Variants in PCDH15 observed in about 807,000 individuals in gnomAD.
PCDH15 encodes protocadherin related 15, also known as protocadherin-15.
PCDH15 carries 129 observed loss-of-function variants against 178.5 expected under a neutral mutation model. That is an observed-to-expected ratio of 0.72 (90% confidence interval 0.63 to 0.84). PCDH15 has a LOEUF of 0.84. Ranked by LOEUF, PCDH15 falls within the 40% of genes least tolerant of loss-of-function variation. The probability of loss-of-function intolerance (pLI) is 0.00; values close to 1 mark genes in which losing one functional copy is unlikely to be tolerated. For synonymous variants in PCDH15, 800 were observed against 732.0 expected, an observed-to-expected ratio of 1.09 and a Z score of -1.50; for missense variants, 2,230 against 2,099.9, an observed-to-expected ratio of 1.06 and a Z score of -1.21.
intron 2 of PCDH15, among the ~76,000 whole-genome samples, chr10:54,529,515 A>T (rs995670600): frequency 1.3e-5 from 2 of 152,148 alleles, no homozygotes; most frequent in South Asian, 4.1e-4. Flanking sequence ...TGAAAAAAAA[A>T]TCAGAAGAAC....
intron 2 of PCDH15, among the ~76,000 whole-genome samples, chr10:55,055,810 A>G (rs1440504532): frequency 2.6e-5 from 4 of 152,138 alleles, no homozygotes; most frequent in Non-Finnish European, 5.9e-5. Context: ...CCCTGTCTCA[A>G]AAATCAATAA....
chr10:55,587,087 A>T (rs1240349594), intron 2 of PCDH15, among the ~76,000 whole-genome samples: 1 of 152,110 alleles, frequency 6.6e-6, no homozygotes, highest in Non-Finnish European at 1.5e-5. Flanking sequence ...CTCAAAGATA[A>T]AGACTTAATC....
intron 2 of PCDH15, among the ~76,000 whole-genome samples, chr10:55,550,291 C>T (rs1841978371): frequency 1.3e-5 from 2 of 152,140 alleles, no homozygotes; most frequent in Admixed American, 1.3e-4. Flanking sequence ...ACTCTGTTAT[C>T]TCTCATTTAA....
intron 2 of PCDH15, among the ~76,000 whole-genome samples, chr10:54,932,971 A>G (rs573523295): frequency 6.6e-6 from 1 of 152,124 alleles, no homozygotes; most frequent in Non-Finnish European, 1.5e-5. Flanking sequence ...TGCTCTATAA[A>G]GGTGTACCAT....
At chr10:54,148,604 G>T (rs1415551992) in intron 14 of PCDH15, among the ~76,000 whole-genome samples, 1 of 151,892 alleles carries the variant, frequency 6.6e-6, no homozygotes, top group African/African-American at 2.4e-5. Flanking sequence ...GTGTATATTT[G>T]CTTTTTGGAT....
intron 8 of PCDH15, among the ~76,000 whole-genome samples, chr10:54,253,619 A>G (rs889773084): frequency 2.0e-5 from 3 of 152,130 alleles, no homozygotes; most frequent in African/African-American, 7.2e-5. Context: ...ATTATGTTAT[A>G]CAGCAGCATT....
intron 1 of PCDH15, among the ~76,000 whole-genome samples, chr10:54,747,059 G>T (rs1257746703): frequency 6.6e-6 from 1 of 152,200 alleles, no homozygotes; most frequent in African/African-American, 2.4e-5. Flanking sequence ...AACACCAGTT[G>T]TGGAATGTCC....
rs1362278878 is a variant in PCDH15, at chr10:54,133,013, G to T, written c.1785-6C>A. On this transcript the variant is annotated splice_polypyrimidine_tract_variant and splice_region_variant and intron_variant, in intron 14 of 37. Coordinates refer to ENST00000644397, the MANE Select transcript of PCDH15 (RefSeq NM_001384140.1). ...ACACAGTGCAGATGGAGTTCCTGCA[G>T]AGAAAGAGAGGAAAAGAAGATGGTT... is the stretch of plus-strand genomic sequence containing the variant. 1.2e-6 allele frequency: 2 copies of T among 1,613,972 alleles called. No homozygotes were observed. Among genetic ancestry groups the T allele is most frequent in the African/African-American group, 2.7e-5 (2 of 75,040 alleles).
intron 3 of PCDH15, among the ~76,000 whole-genome samples, chr10:54,840,831 A>G (rs1419824766): frequency 6.6e-6 from 1 of 151,842 alleles, no homozygotes; most frequent in Admixed American, 6.6e-5. Flanking sequence ...CATGTGACAA[A>G]GAAAATCAAT....
intron 3 of PCDH15, among the ~76,000 whole-genome samples, chr10:54,382,688 T>C (rs191928272): frequency 2.8e-4 from 42 of 152,244 alleles, no homozygotes; most frequent in Non-Finnish European, 4.6e-4. Context: ...AACAACCTGA[T>C]TGAACTTGGA....
intron 2 of PCDH15, among the ~76,000 whole-genome samples, chr10:55,363,131 C>T (rs1338446104): frequency 3.3e-5 from 5 of 152,116 alleles, no homozygotes; most frequent in Non-Finnish European, 7.4e-5. Context: ...AGATAGACTT[C>T]GTTTTCACTC....
At chr10:55,244,387 T>C (rs998034564) in intron 1 of PCDH15, among the ~76,000 whole-genome samples, 1 of 152,038 alleles carries the variant, frequency 6.6e-6, no homozygotes, top group Admixed American at 6.6e-5. Context: ...AAGAAAACAG[T>C]TTCCCCTCTA....
At chr10:55,101,408 T>TC (rs1842573805) in intron 2 of PCDH15, among the ~76,000 whole-genome samples, 3 of 122,364 alleles carry the variant, frequency 2.5e-5, no homozygotes. Flanking sequence ...AAAAAAAACT[T>TC]TTTTTTTTTT....
At chr10:54,739,236 A>G (rs183394687) in intron 1 of PCDH15, among the ~76,000 whole-genome samples, 6 of 152,130 alleles carry the variant, frequency 3.9e-5, no homozygotes, top group African/African-American at 1.4e-4. Context: ...CTACAAAATC[A>G]ACATACAACA....
intron 2 of PCDH15, among the ~76,000 whole-genome samples, chr10:55,355,576 A>T (rs1225109145): frequency 6.6e-6 from 1 of 151,930 alleles, no homozygotes; most frequent in Non-Finnish European, 1.5e-5. Context: ...AATTTTTAAA[A>T]AACTGAATTT....
chr10:54,718,064 G>C (rs1471115208), intron 1 of PCDH15, among the ~76,000 whole-genome samples: 4 of 149,784 alleles, frequency 2.7e-5, no homozygotes, highest in Non-Finnish European at 5.9e-5. Context: ...TGAACAATGG[G>C]AACACGTGGA....
At chr10:55,508,393 C>A (rs889122216) in intron 2 of PCDH15, among the ~76,000 whole-genome samples, 2 of 151,656 alleles carry the variant, frequency 1.3e-5, no homozygotes, top group South Asian at 4.1e-4. Context: ...GATTTCACTT[C>A]GGTTAGTTTA....
intron 3 of PCDH15, among the ~76,000 whole-genome samples, chr10:54,436,360 C>A (rs2075417817): frequency 6.6e-6 from 1 of 151,098 alleles, no homozygotes; most frequent in South Asian, 2.1e-4. Flanking sequence ...AAGTCAGTGA[C>A]CTTAATATGC....
chr10:53,931,414 C>A (rs1205178642), intron 25 of PCDH15, among the ~76,000 whole-genome samples: 2 of 152,182 alleles, frequency 1.3e-5, no homozygotes, highest in African/African-American at 4.8e-5. Flanking sequence ...ATTTTCCAGA[C>A]TCACTCATGC....
Sources: allele counts gnomAD v4.1 joint callset (sites outside exome capture counted in the v4.1 genomes callset), GRCh38; gene constraint gnomAD v4.1.1; transcripts MANE v1.5; gene names NCBI Gene and HGNC (gene_info 2026-07-23, HGNC 2026-07-21).